Variants in HS3ST4 observed in about 807,000 individuals in gnomAD.
HS3ST4 encodes the protein heparan sulfate glucosamine 3-O-sulfotransferase 4.
HS3ST4 carries 17 observed loss-of-function variants against 29.2 expected under a neutral mutation model. That is an observed-to-expected ratio of 0.58 (90% CI 0.40 to 0.87). The LOEUF (loss-of-function observed/expected upper bound fraction) is 0.87, where lower values mean the gene tolerates loss of function less well. Ranked by LOEUF, HS3ST4 falls within the 40% of genes least tolerant of loss-of-function variation. HS3ST4 has a pLI of 0.00. For missense variants in HS3ST4, 627 were observed against 634.5 expected (o/e 0.99, Z 0.13); for synonymous variants, 314 against 285.7 (o/e 1.10, Z -1.00).
At chr16:25,857,118 G>A (rs1967580572) in intron 1 of HS3ST4, among the ~76,000 whole-genome samples, 1 of 152,136 alleles carries the variant, frequency 6.6e-6, no homozygotes, top group Non-Finnish European at 1.5e-5. Context: ...AAGTCTGGGG[G>A]CCTTAGGAGT....
rs547491617 is a variant in HS3ST4 at position 25,897,983 on chromosome 16, C to T, written c.734+204832C>T. Among the ~76,000 whole-genome samples, 78 of 152,256 alleles carry T rather than the reference C, an allele frequency of 5.1e-4. 1 individual carries two copies. Among genetic ancestry groups the T allele is most frequent in the Admixed American group, 4.2e-3 (64 of 15,290 alleles). ...GGGATTTTTATGTGTGTGTGCACTG[C>T]GTTCATCTGAGTAGATCCGCGCAGG... On this transcript the variant is annotated intron_variant, in intron 1 of 1. Transcript: ENST00000331351.
At chr16:26,010,816 T>C (rs1412517555) in intron 1 of HS3ST4, among the ~76,000 whole-genome samples, 2 of 152,220 alleles carry the variant, frequency 1.3e-5, no homozygotes, top group Non-Finnish European at 2.9e-5. Flanking sequence ...TTGCGATAAC[T>C]TATTAGAAAA....
At chr16:25,700,173 T>C (rs1310475085) in intron 1 of HS3ST4, among the ~76,000 whole-genome samples, 1 of 152,194 alleles carries the variant, frequency 6.6e-6, no homozygotes, top group East Asian at 1.9e-4. Flanking sequence ...ATTTGGTCTA[T>C]TGTAACTTGA....
intron 1 of HS3ST4, among the ~76,000 whole-genome samples, chr16:26,101,481 A>T (rs929976234): frequency 6.6e-6 from 1 of 152,214 alleles, no homozygotes; most frequent in Non-Finnish European, 1.5e-5. Flanking sequence ...CTTGTCCATC[A>T]TCCCAGTGTC....
chr16:25,784,486 A>G (rs1966855548), intron 1 of HS3ST4, among the ~76,000 whole-genome samples: 1 of 152,258 alleles, frequency 6.6e-6, no homozygotes, highest in South Asian at 2.1e-4. Context: ...ACTCCAGTGA[A>G]CAAATGAATG....
At chr16:25,979,714 C>T (rs1968984249) in intron 1 of HS3ST4, among the ~76,000 whole-genome samples, 1 of 152,112 alleles carries the variant, frequency 6.6e-6, no homozygotes, top group African/African-American at 2.4e-5. Flanking sequence ...CTTGAATCAT[C>T]CCGAAACCAT....
rs115802960 is a variant in HS3ST4, at chr16:25,862,556, C to T, written c.734+169405C>T. Among the ~76,000 whole-genome samples the T allele has an allele frequency of 2.9e-3, 442 of 152,296 alleles. 3 individuals are homozygous for T. The highest frequency in any genetic ancestry group is 0.01 in the African/African-American group (424 of 41,574). On this transcript the variant is annotated intron_variant, in intron 1 of 1. Transcript: ENST00000331351. ...AGACGGAGCCCAGGCCAGTAATGCT[C>T]GCTCGTGCTCACTTCCTGCTGTGTG...
intron 1 of HS3ST4, among the ~76,000 whole-genome samples, chr16:26,105,031 T>C (rs1307220643): frequency 1.3e-5 from 2 of 152,196 alleles, no homozygotes; most frequent in Non-Finnish European, 2.9e-5. Flanking sequence ...CTCCTTATCC[T>C]TCTTCAAGCC....
chr16:25,996,473 G>A (rs1969160180), intron 1 of HS3ST4, among the ~76,000 whole-genome samples: 2 of 152,102 alleles, frequency 1.3e-5, no homozygotes, highest in South Asian at 2.1e-4. Context: ...ATAAGTTAAT[G>A]GACTCCATTT....
intron 1 of HS3ST4, among the ~76,000 whole-genome samples, chr16:25,725,433 C>G (rs1966527909): frequency 6.6e-6 from 1 of 152,112 alleles, no homozygotes; most frequent in Non-Finnish European, 1.5e-5. Context: ...TTACATTCTC[C>G]CATAATCCTA....
At chr16:26,106,665 G>C (rs1899061970) in intron 1 of HS3ST4, among the ~76,000 whole-genome samples, 1 of 152,168 alleles carries the variant, frequency 6.6e-6, no homozygotes, top group African/African-American at 2.4e-5. Flanking sequence ...GTGAATAAAG[G>C]CTCAGTGACC....
At position 26,120,077 on chromosome 16, in the gene HS3ST4, G is replaced by GTGTGTA. The variant is rs377314337; in HGVS notation, c.735-15530_735-15529insATGTGT. Among the ~76,000 whole-genome samples the GTGTGTA allele has an allele frequency of 2.8e-3, 368 of 133,654 alleles. 3 individuals are homozygous for GTGTGTA. Among genetic ancestry groups the GTGTGTA allele is most frequent in the Middle Eastern group, 0.02 (5 of 256 alleles). 87.7% of individuals were successfully genotyped at this position (133,654 alleles called of 152,430 possible). ...AGTGTGTGTGTGTGTGTGTATGTGT[G>GTGTGTA]TGTGTGTGTGTGTGTATATGTGTGT... On this transcript the variant is annotated intron_variant, in intron 1 of 1. Coordinates refer to ENST00000331351, the MANE Select transcript of HS3ST4 (RefSeq NM_006040.3).
At chr16:25,757,627 T>C (rs557089076) in intron 1 of HS3ST4, among the ~76,000 whole-genome samples, 17 of 150,938 alleles carry the variant, frequency 1.1e-4, no homozygotes, top group Non-Finnish European at 2.2e-4. Context: ...AAATAACGAA[T>C]GTGTCCTCCC....
intron 1 of HS3ST4, among the ~76,000 whole-genome samples, chr16:25,745,932 T>C (rs771694169): frequency 6.6e-6 from 1 of 152,220 alleles, no homozygotes; most frequent in Non-Finnish European, 1.5e-5. Flanking sequence ...TTGGCAAATA[T>C]TGAAACACAA....
chr16:25,848,825 G>T (rs1967491048), intron 1 of HS3ST4, among the ~76,000 whole-genome samples: 1 of 150,086 alleles, frequency 6.7e-6, no homozygotes, highest in Non-Finnish European at 1.5e-5. Context: ...TTTTATTATG[G>T]TTTTCATGGT....
rs148449928 is a variant in HS3ST4 at position 25,974,744 on chromosome 16, T to C, written c.735-160868T>C. The stretch of plus-strand genomic sequence containing the variant: ...TCTTTATTTTCTGAATTTTCTATAA[T>C]GAAAGTATCATTTTTATAAGAACGC... On this transcript the variant is annotated intron_variant, in intron 1 of 1. Transcript: ENST00000331351. Among the ~76,000 whole-genome samples, 11 of 152,360 alleles carry C rather than the reference T, an allele frequency of 7.2e-5. 1 individual carries two copies. In the East Asian group the frequency reaches 2.1e-3, roughly 29 times the overall value.
At chr16:25,872,880 AGTTTT>A (rs146736666) in intron 1 of HS3ST4, among the ~76,000 whole-genome samples, 13 of 151,656 alleles carry the variant, frequency 8.6e-5, no homozygotes, top group Non-Finnish European at 1.6e-4. Flanking sequence ...TATTTCAAGG[AGTTTT>A]GTTTTGTTTT....
At chr16:26,044,625 TA>T (rs963383362) in intron 1 of HS3ST4, among the ~76,000 whole-genome samples, 33 of 151,268 alleles carry the variant, frequency 2.2e-4, no homozygotes, top group Admixed American at 1.1e-3. Flanking sequence ...AAATGTAAGT[TA>T]AAAAAAAATA....
chr16:25,938,010 G>A (rs1297238706), intron 1 of HS3ST4, among the ~76,000 whole-genome samples: 1 of 152,108 alleles, frequency 6.6e-6, no homozygotes, highest in Non-Finnish European at 1.5e-5. Context: ...GGCTTTCTGG[G>A]GCAACCAGAA....
Sources: allele counts gnomAD v4.1 joint callset (sites outside exome capture counted in the v4.1 genomes callset), GRCh38; gene constraint gnomAD v4.1.1; transcripts MANE v1.5; gene names NCBI Gene and HGNC (gene_info 2026-07-23, HGNC 2026-07-21).